Variants in EYS observed in about 807,000 individuals in gnomAD.
EYS encodes EGF-like photoreceptor maintenance factor, also known as protein eyes shut homolog.
In EYS, 250 loss-of-function variants were observed where a neutral mutation model predicts 282.1. The ratio of observed to expected loss-of-function variants is 0.89; its 90% CI spans 0.80 to 0.98. The LOEUF (loss-of-function observed/expected upper bound fraction) is 0.98, where lower values mean the gene tolerates loss of function less well. EYS is among the 50% of genes least tolerant of loss of function. The pLI is 0.00. For missense variants in EYS, 4,016 were observed against 3,709.0 expected (o/e 1.08, Z -2.15); for synonymous variants, 1,355 against 1,282.9 (o/e 1.06, Z -1.20).
At chr6:65,340,851 A>G (rs368430840) in intron 10 of EYS, among the ~76,000 whole-genome samples, 2 of 151,114 alleles carry the variant, frequency 1.3e-5, no homozygotes, top group East Asian at 3.9e-4. Context: ...AAGTTTCACA[A>G]AATCTCATTA....
At chr6:64,346,539 C>T (rs1001401455) in intron 29 of EYS, among the ~76,000 whole-genome samples, 3 of 151,376 alleles carry the variant, frequency 2.0e-5, no homozygotes, top group Non-Finnish European at 4.4e-5. Flanking sequence ...ACATCACACA[C>T]CAGGGATTGT....
At chr6:65,635,396 G>C (rs4621617) in intron 2 of EYS, among the ~76,000 whole-genome samples, 3 of 151,882 alleles carry the variant, frequency 2.0e-5, no homozygotes, top group African/African-American at 7.3e-5. Context: ...TAACCACCCC[G>C]CCCCATCTTG....
chr6:63,858,974 T>C (rs1264341287), intron 36 of EYS, among the ~76,000 whole-genome samples: 5 of 152,040 alleles, frequency 3.3e-5, no homozygotes, highest in Admixed American at 2.6e-4. Context: ...CCTCCCTGAT[T>C]TTGTAATACC....
At chr6:63,953,700 C>T (rs574954663) in intron 35 of EYS, among the ~76,000 whole-genome samples, 3 of 152,294 alleles carry the variant, frequency 2.0e-5, no homozygotes, top group Admixed American at 1.3e-4. Flanking sequence ...TCCCCACTCC[C>T]CTTTCCATTC....
At chr6:64,987,377 T>A (rs1770895134) in intron 14 of EYS, among the ~76,000 whole-genome samples, 2 of 151,604 alleles carry the variant, frequency 1.3e-5, no homozygotes, top group South Asian at 4.1e-4. Context: ...CTGTGGGGGA[T>A]ATTAAAAACA....
Position 63,806,100 on chromosome 6 carries a change from T to C in EYS, c.7411+90A>G. On this transcript the variant is annotated intron_variant, in intron 37 of 42. Coordinates refer to ENST00000503581, the MANE Select transcript of EYS (RefSeq NM_001142800.2). ...GCTGCATCTAGGCAAAGGTCTTTTT[T>C]TTACCACAGCCAATTAGAGTGTCCC... The C allele has an allele frequency of 2.5e-6, 3 of 1,190,556 alleles. No homozygotes were observed. The Admixed American group carries it at 8.4e-5, about 33-fold the overall frequency. 73.7% of individuals were successfully genotyped at this position (1,190,556 alleles called of 1,614,324 possible).
chr6:65,621,217 C>T (rs1240595486), intron 2 of EYS, among the ~76,000 whole-genome samples: 6 of 152,132 alleles, frequency 3.9e-5, no homozygotes, highest in Admixed American at 1.3e-4. Flanking sequence ...TCAGGACTTG[C>T]TTTATGAAAC....
chr6:65,383,692 T>C (rs772017007), intron 8 of EYS, among the ~76,000 whole-genome samples: 4 of 151,876 alleles, frequency 2.6e-5, no homozygotes, highest in Non-Finnish European at 4.4e-5. Flanking sequence ...ATAAAGCTGG[T>C]GTGTGTAATC....
At chr6:64,641,214 C>T (rs7759608) in intron 22 of EYS, among the ~76,000 whole-genome samples, 4,090 of 152,242 alleles carry the variant, frequency 0.027, 202 homozygotes, top group African/African-American at 0.093. Context: ...GGAGCAAGTC[C>T]CTTCTTGCAC....
At position 65,402,967 on chromosome 6, in the gene EYS, G is replaced by C. The variant is rs75930658; in HGVS notation, c.1057-362C>G. 9.2e-3 allele frequency among the ~76,000 whole-genome samples: 1,403 copies of C among 152,156 alleles called. 30 individuals are homozygous for C. The highest frequency in any genetic ancestry group is 0.032 in the African/African-American group (1,322 of 41,530). On this transcript the variant is annotated intron_variant, in intron 6 of 42. Coordinates refer to ENST00000503581, the MANE Select transcript of EYS (RefSeq NM_001142800.2). ...CCCAGCCACCATGCTCTCAGGAAGCGCAGGCCACATGGAGAAATCATGTTT... is the reference window on the plus strand; with the variant it reads ...CCCAGCCACCATGCTCTCAGGAAGCCCAGGCCACATGGAGAAATCATGTTT...
At chr6:65,569,071 T>C (rs1371792314) in intron 2 of EYS, among the ~76,000 whole-genome samples, 1 of 152,188 alleles carries the variant, frequency 6.6e-6, no homozygotes, top group Non-Finnish European at 1.5e-5. Context: ...CCTGCATGTA[T>C]ACATCCAGAT....
chr6:65,627,542 G>A (rs1376290265), intron 2 of EYS, among the ~76,000 whole-genome samples: 1 of 152,174 alleles, frequency 6.6e-6, no homozygotes, highest in African/African-American at 2.4e-5. Context: ...GGTGCGAGCA[G>A]GAACCGGGGC....
At chr6:64,182,518 T>A (rs9351167) in intron 31 of EYS, among the ~76,000 whole-genome samples, 39,604 of 151,944 alleles carry the variant, frequency 0.26, 5,648 homozygotes, top group East Asian at 0.44. Context: ...AAGTTGTTGT[T>A]TCTACTGTAT....
chr6:63,720,546 CAAAAT>C lies in EYS; in HGVS notation c.*45_*49del. On this transcript the variant is annotated 3_prime_UTR_variant, in exon 43 of 43. Coordinates refer to ENST00000503581, the MANE Select transcript of EYS (RefSeq NM_001142800.2). ...AGCAATGTATCAAAGAAATAACTATCAAAATAACTGCATTTATGTATAGTGTGTAC... is the reference window on the plus strand; with the variant it reads ...AGCAATGTATCAAAGAAATAACTATCAACTGCATTTATGTATAGTGTGTAC... 7.6e-7 allele frequency: 1 copy of C among 1,323,580 alleles called. No individual in the cohort carries two copies. The allele number at this position is 1,323,580 out of a possible 1,614,324, so 82.0% of individuals were successfully genotyped here. A position where few individuals can be genotyped will look rare whatever the true frequency, so the allele number is the denominator to read the frequency against.
At chr6:64,649,054 T>C (rs1227913839) in intron 22 of EYS, among the ~76,000 whole-genome samples, 2 of 151,960 alleles carry the variant, frequency 1.3e-5, no homozygotes, top group East Asian at 3.9e-4. Flanking sequence ...GAAAGGAAAA[T>C]AGAAGAAATG....
chr6:63,785,351 A>G (rs1770335152), intron 39 of EYS, among the ~76,000 whole-genome samples: 1 of 152,044 alleles, frequency 6.6e-6, no homozygotes, highest in Non-Finnish European at 1.5e-5. Context: ...TCTTCCCCTT[A>G]TTCCTCCTTT....
At chr6:64,498,013 ATAGT>A (rs1445031406) in intron 26 of EYS, among the ~76,000 whole-genome samples, 1 of 152,140 alleles carries the variant, frequency 6.6e-6, no homozygotes, top group African/African-American at 2.4e-5. Context: ...CATCTTGGGT[ATAGT>A]TAGAGTTAAT....
At chr6:63,874,491 T>C (rs753187855) in intron 35 of EYS, among the ~76,000 whole-genome samples, 11 of 152,188 alleles carry the variant, frequency 7.2e-5, no homozygotes, top group Non-Finnish European at 1.5e-4. Context: ...CTTTTTTGGT[T>C]CCATATAAAC....
intron 2 of EYS, among the ~76,000 whole-genome samples, chr6:65,624,554 C>A (rs1766631735): frequency 6.6e-6 from 1 of 152,004 alleles, no homozygotes; most frequent in South Asian, 2.1e-4. Context: ...GAGGGTGTTG[C>A]CAAAGGAGAT....
Sources: allele counts gnomAD v4.1 joint callset (sites outside exome capture counted in the v4.1 genomes callset), GRCh38; gene constraint gnomAD v4.1.1; transcripts MANE v1.5; gene names NCBI Gene and HGNC (gene_info 2026-07-23, HGNC 2026-07-21).